The following LRRC37A2 variants were observed in gnomAD, a reference collection of about 807,000 sequenced individuals.
The protein encoded by LRRC37A2 is leucine-rich repeat-containing protein 37A2.
In LRRC37A2, 9 loss-of-function variants were observed where a neutral mutation model predicts 68.8. That is an observed-to-expected ratio of 0.13 (90% confidence interval 0.08 to 0.23). LRRC37A2 has a LOEUF of 0.23. Among genes scored for constraint, LRRC37A2 ranks in the 10% least tolerant of loss-of-function variants. LRRC37A2 has a pLI of 1.00. For synonymous variants in LRRC37A2, 63 were observed against 367.6 expected (o/e 0.17, Z 9.48); for missense variants, 168 against 950.4 (o/e 0.18, Z 10.82).
At chr17:46,545,433 CAAAAT>C (rs1183314641) in intron 8 of LRRC37A2, among the ~76,000 whole-genome samples, 139 of 101,154 alleles carry the variant, frequency 1.4e-3, no homozygotes, top group African/African-American at 7.2e-3. Flanking sequence ...GCCTGGGTGA[CAAAAT>C]AAAAATAAAA....
chr17:46,799,829 T>C, the LRRC37A2 span, among the ~76,000 whole-genome samples: 4 of 152,190 alleles, frequency 2.6e-5, no homozygotes, highest in African/African-American at 9.7e-5. Flanking sequence ...AGGAAGAGAC[T>C]GAGACTCAGA....
the LRRC37A2 span, among the ~76,000 whole-genome samples, chr17:46,916,206 A>G: frequency 3.3e-5 from 5 of 152,244 alleles, no homozygotes; most frequent in Admixed American, 3.3e-4. Context: ...AAGGCCAACC[A>G]GCTTTTACAA....
chr17:46,703,720 C>T, the LRRC37A2 span, among the ~76,000 whole-genome samples: 11 of 147,470 alleles, frequency 7.5e-5, no homozygotes, highest in African/African-American at 2.3e-4. Flanking sequence ...AACAGAAAAC[C>T]ATAAAATTTA....
At chr17:47,008,196 T>C in the LRRC37A2 span, among the ~76,000 whole-genome samples, 2 of 151,290 alleles carry the variant, frequency 1.3e-5, no homozygotes, top group Non-Finnish European at 2.9e-5. Flanking sequence ...CTGCAAGCTC[T>C]GTCTCCTGGG....
chr17:46,877,500 A>G, the LRRC37A2 span, among the ~76,000 whole-genome samples: 1 of 152,170 alleles, frequency 6.6e-6, no homozygotes, highest in African/African-American at 2.4e-5. Flanking sequence ...AGAACTAGCC[A>G]CCAAGGCGGG....
At chr17:46,495,706 A>G in the LRRC37A2 span, among the ~76,000 whole-genome samples, 3 of 149,086 alleles carry the variant, frequency 2.0e-5, no homozygotes, top group East Asian at 3.9e-4. Context: ...TTTTAAAAAC[A>G]TATCTTAGAA....
chr17:46,875,207 C>G, the LRRC37A2 span: 50 of 1,614,038 alleles, frequency 3.1e-5, no homozygotes, highest in Non-Finnish European at 4.2e-5. Context: ...CCTGTGATGA[C>G]TCTCCGGGGC....
the LRRC37A2 span, among the ~76,000 whole-genome samples, chr17:46,743,555 T>A: frequency 1.3e-5 from 2 of 152,196 alleles, no homozygotes; most frequent in South Asian, 4.1e-4. Flanking sequence ...GGCCTCTACT[T>A]CTGTTGCACC....
chr17:47,035,220 A>C, the LRRC37A2 span: 1 of 152,242 alleles, frequency 6.6e-6, no homozygotes, highest in Non-Finnish European at 1.5e-5. Flanking sequence ...AGTGGTGGTT[A>C]GTATATTCTC....
At chr17:46,852,746 C>T in the LRRC37A2 span, among the ~76,000 whole-genome samples, 1 of 152,082 alleles carries the variant, frequency 6.6e-6, no homozygotes, top group Admixed American at 6.6e-5. Flanking sequence ...CAATAGGAGG[C>T]TTACAGTCTG....
chr17:46,533,074 G>T (rs1209088943), intron 6 of LRRC37A2, among the ~76,000 whole-genome samples: 13 of 121,376 alleles, frequency 1.1e-4, no homozygotes, highest in African/African-American at 4.8e-4. Flanking sequence ...CTGCACTCCA[G>T]CCTGGGAAAC....
chr17:46,823,920 C>T, the LRRC37A2 span, among the ~76,000 whole-genome samples: 6 of 152,278 alleles, frequency 3.9e-5, no homozygotes, highest in African/African-American at 9.6e-5. Flanking sequence ...ATGGTGCTGA[C>T]GGAATGCCAG....
chr17:46,985,936 A>G, the LRRC37A2 span, among the ~76,000 whole-genome samples: 1 of 152,190 alleles, frequency 6.6e-6, no homozygotes, highest in Non-Finnish European at 1.5e-5. Context: ...CCCCAAAAGT[A>G]CTGCCTGGGC....
the LRRC37A2 span, among the ~76,000 whole-genome samples, chr17:47,015,615 AAATT>A: frequency 6.6e-6 from 1 of 152,182 alleles, no homozygotes. Context: ...GATTGTTTCT[AAATT>A]AATCTCAAAA....
chr17:46,861,063 T>G, the LRRC37A2 span, among the ~76,000 whole-genome samples: 1 of 152,190 alleles, frequency 6.6e-6, no homozygotes, highest in Admixed American at 6.5e-5. Context: ...GGGGGGAAAC[T>G]GTCAGAATCC....
intron 6 of LRRC37A2, 124 bp from the exon 6 acceptor site, chr17:46,540,052 T>TA (rs1227065552): frequency 2.0e-6 from 2 of 1,008,924 alleles, no homozygotes; most frequent in African/African-American, 4.0e-5. Flanking sequence ...ATTTCTTAGG[T>TA]AAAGACAGGA....
the LRRC37A2 span, among the ~76,000 whole-genome samples, chr17:46,890,489 C>G: frequency 6.6e-6 from 1 of 152,106 alleles, no homozygotes; most frequent in Non-Finnish European, 1.5e-5. Flanking sequence ...CATCCCAGGA[C>G]CCTCGAGGTA....
At chr17:46,760,299 T>C in the LRRC37A2 span, among the ~76,000 whole-genome samples, 1 of 151,974 alleles carries the variant, frequency 6.6e-6, no homozygotes. Flanking sequence ...TCTTCATTAG[T>C]ATGAATAGGG....
At chr17:46,879,083 C>T in the LRRC37A2 span, among the ~76,000 whole-genome samples, 7 of 152,256 alleles carry the variant, frequency 4.6e-5, no homozygotes, top group African/African-American at 1.7e-4. Context: ...TTTTTGTCTA[C>T]CTCAAATATA....
Sources: gnomAD v4.1 joint callset for allele counts (sites outside exome capture counted in the v4.1 genomes callset) on GRCh38, gnomAD v4.1.1 for gene constraint, MANE v1.5 for transcripts, NCBI Gene and HGNC (gene_info 2026-07-23, HGNC 2026-07-21) for gene names.